NEO1: variants seen among roughly 807,000 people sequenced by gnomAD.
The protein encoded by NEO1 is neogenin 1.
A neutral mutation model predicts 159.7 loss-of-function variants in NEO1; 63 were observed. That is an observed-to-expected ratio of 0.39 (90% CI 0.32 to 0.49). NEO1 has a LOEUF of 0.49. Among genes scored for constraint, NEO1 ranks in the 20% least tolerant of loss-of-function variants. NEO1 has a pLI of 0.85. For synonymous variants in NEO1, 633 were observed against 662.0 expected, an observed-to-expected ratio of 0.96 and a Z score of 0.67; for missense variants, 1,615 against 1,831.0, an observed-to-expected ratio of 0.88 and a Z score of 2.15.
intron 7 of NEO1, among the ~76,000 whole-genome samples, chr15:73,225,901 A>G (rs1447217918): frequency 6.6e-6 from 1 of 152,054 alleles, no homozygotes; most frequent in Non-Finnish European, 1.5e-5. Context: ...TGCCCTCCCA[A>G]AGGATCCCTG....
chr15:73,084,363 A>G (rs1015182030), intron 1 of NEO1, among the ~76,000 whole-genome samples: 1 of 152,070 alleles, frequency 6.6e-6, no homozygotes. Context: ...TATGAATTCT[A>G]CATTTTTAGA....
At chr15:73,076,954 A>G (rs116631890) in intron 1 of NEO1, among the ~76,000 whole-genome samples, 482 of 152,360 alleles carry the variant, frequency 3.2e-3, no homozygotes, top group African/African-American at 0.011. Context: ...CTGAGTTATC[A>G]GAAAAAGTTC....
chr15:73,257,960 G>A (rs2040446749), intron 13 of NEO1, among the ~76,000 whole-genome samples: 1 of 152,054 alleles, frequency 6.6e-6, no homozygotes, highest in Admixed American at 6.6e-5. Flanking sequence ...CTTGCTTTGT[G>A]GGGCACACAG....
intron 7 of NEO1, among the ~76,000 whole-genome samples, chr15:73,203,154 CTATTGTT>C (rs1757657308): frequency 6.6e-6 from 1 of 152,074 alleles, no homozygotes; most frequent in South Asian, 2.1e-4. Flanking sequence ...TATGATAATT[CTATTGTT>C]ACTTTTGAGA....
At chr15:73,169,504 A>C (rs532335037) in intron 5 of NEO1, among the ~76,000 whole-genome samples, 3 of 152,126 alleles carry the variant, frequency 2.0e-5, no homozygotes, top group Admixed American at 6.5e-5. Context: ...AAATCCAGAA[A>C]ACATTTTAAG....
chr15:73,236,786 T>A (rs1478349144), intron 8 of NEO1, among the ~76,000 whole-genome samples: 1 of 152,186 alleles, frequency 6.6e-6, no homozygotes, highest in Non-Finnish European at 1.5e-5. Context: ...TAAGATTCAG[T>A]CAGTATAAAT....
At chr15:73,128,445 TA>T (rs2151698496) in intron 4 of NEO1, among the ~76,000 whole-genome samples, 2 of 152,316 alleles carry the variant, frequency 1.3e-5, no homozygotes, top group East Asian at 3.9e-4. Context: ...AATGATTTTT[TA>T]TGTCAGAAAT....
intron 1 of NEO1, among the ~76,000 whole-genome samples, chr15:73,060,476 C>G (rs1435542771): frequency 6.6e-6 from 1 of 151,700 alleles, no homozygotes; most frequent in Non-Finnish European, 1.5e-5. Context: ...CATTAATGGC[C>G]AGGCTGGTTT....
chr15:73,231,098 A>G (rs528143572), intron 7 of NEO1, among the ~76,000 whole-genome samples: 43 of 152,322 alleles, frequency 2.8e-4, no homozygotes, highest in Non-Finnish European at 4.6e-4. Context: ...ACATAATTCA[A>G]TAATAATTGC....
chr15:73,214,878 C>A (rs2037786676), intron 7 of NEO1, among the ~76,000 whole-genome samples: 1 of 152,096 alleles, frequency 6.6e-6, no homozygotes, highest in Admixed American at 6.6e-5. Flanking sequence ...GCACTATGAT[C>A]ATTTTCACAA....
intron 2 of NEO1, among the ~76,000 whole-genome samples, chr15:73,121,347 C>T (rs1014385025): frequency 6.6e-6 from 1 of 152,116 alleles, no homozygotes; most frequent in East Asian, 1.9e-4. Context: ...TGATTTCTCC[C>T]TGAATAGATT....
intron 6 of NEO1, 66 bp downstream of exon 6, chr15:73,176,623 G>A (rs969142748): frequency 7.0e-5 from 89 of 1,275,444 alleles, no homozygotes; most frequent in Non-Finnish European, 8.6e-5. Context: ...TGTAGTCACC[G>A]AGAGATCAGT....
At chr15:73,224,567 T>C (rs921895123) in intron 7 of NEO1, among the ~76,000 whole-genome samples, 1 of 142,122 alleles carries the variant, frequency 7.0e-6, no homozygotes, top group Admixed American at 7.2e-5. Context: ...GTCTTTGAGC[T>C]CTCAATTTCT....
chr15:73,152,076 C>T (rs1284472801), intron 5 of NEO1, among the ~76,000 whole-genome samples: 2 of 151,874 alleles, frequency 1.3e-5, no homozygotes, highest in Non-Finnish European at 2.9e-5. Context: ...TAAATAAATA[C>T]ATAAATACAT....
chr15:73,065,492 CAG>C (rs1298139614), intron 1 of NEO1, among the ~76,000 whole-genome samples: 7 of 152,126 alleles, frequency 4.6e-5, no homozygotes, highest in Admixed American at 2.0e-4. Flanking sequence ...TCTAGGTAAA[CAG>C]TGTGTTTTTT....
chr15:73,078,414 G>A (rs1446164300), intron 1 of NEO1, among the ~76,000 whole-genome samples: 2 of 152,104 alleles, frequency 1.3e-5, no homozygotes, highest in Non-Finnish European at 2.9e-5. Context: ...AAATTTGTTG[G>A]TTTTCATGCT....
chr15:73,226,383 T>A (rs1194340609), intron 7 of NEO1, among the ~76,000 whole-genome samples: 3 of 152,170 alleles, frequency 2.0e-5, no homozygotes, highest in Non-Finnish European at 4.4e-5. Flanking sequence ...GGCTCTCTGC[T>A]AGACAGTATC....
chr15:73,094,120 G>A (rs891611199), intron 1 of NEO1, among the ~76,000 whole-genome samples: 1 of 151,898 alleles, frequency 6.6e-6, no homozygotes, highest in African/African-American at 2.4e-5. Context: ...TATTTAAAAT[G>A]TGCAACTCAG....
At chr15:73,279,438 T>A (rs1361133642) in intron 22 of NEO1, among the ~76,000 whole-genome samples, 1 of 145,806 alleles carries the variant, frequency 6.9e-6, no homozygotes, top group Non-Finnish European at 1.5e-5. Context: ...AGCCTCCACC[T>A]CCCGGGTTCA....
Sources: allele counts gnomAD v4.1 joint callset (sites outside exome capture counted in the v4.1 genomes callset), GRCh38; gene constraint gnomAD v4.1.1; transcripts MANE v1.5; gene names NCBI Gene and HGNC (gene_info 2026-07-23, HGNC 2026-07-21).